The following BORCS5 variants were observed in gnomAD, a reference collection of about 807,000 sequenced individuals.
BORCS5 encodes the protein BLOC-1-related complex subunit 5.
A neutral mutation model predicts 22.1 loss-of-function variants in BORCS5; 17 were observed. That is an observed-to-expected ratio of 0.77 (90% CI 0.53 to 1.15). The LOEUF is 1.15. Among genes scored for constraint, BORCS5 ranks in the 50% most tolerant of loss-of-function variants. BORCS5 has a pLI of 0.00. For synonymous variants in BORCS5, 117 were observed against 99.8 expected (o/e 1.17, Z -1.03); for missense variants, 247 against 253.2 (o/e 0.98, Z 0.17).
At chr12:12,388,483 A>G (rs913611014) in intron 2 of BORCS5, among the ~76,000 whole-genome samples, 15 of 151,536 alleles carry the variant, frequency 9.9e-5, no homozygotes, top group African/African-American at 3.4e-4. Context: ...ATCTGTAAAT[A>G]AGGAAGATAA....
intron 2 of BORCS5, among the ~76,000 whole-genome samples, chr12:12,382,694 G>A (rs540729266): frequency 6.6e-6 from 1 of 150,974 alleles, no homozygotes; most frequent in South Asian, 2.1e-4. Flanking sequence ...CAGCATGCCT[G>A]TCTAATTTTT....
At chr12:12,414,928 T>G (rs1214817021) in intron 2 of BORCS5, among the ~76,000 whole-genome samples, 3 of 120,418 alleles carry the variant, frequency 2.5e-5, no homozygotes, top group African/African-American at 6.7e-5. Context: ...GGGGCAGAGG[T>G]GCTCCCCACA....
intron 2 of BORCS5, among the ~76,000 whole-genome samples, chr12:12,414,086 G>A (rs539775942): frequency 2.4e-5 from 2 of 83,998 alleles, no homozygotes; most frequent in East Asian, 2.8e-4. Context: ...CCTCCCGGAC[G>A]GGGCGGCTGG....
intron 3 of BORCS5, among the ~76,000 whole-genome samples, chr12:12,448,150 G>T (rs774095908): frequency 1.3e-5 from 2 of 152,166 alleles, no homozygotes; most frequent in Non-Finnish European, 2.9e-5. Flanking sequence ...GTCCACCTTC[G>T]AAACTCTAAA....
chr12:12,463,567 CAA>C (rs2136163712), intron 3 of BORCS5, among the ~76,000 whole-genome samples: 1 of 152,290 alleles, frequency 6.6e-6, no homozygotes, highest in South Asian at 2.1e-4. Context: ...CACGCAAACT[CAA>C]GTTTCCTCTT....
At chr12:12,430,150 A>ATTTTTTTTTTT (rs1565905968) in intron 2 of BORCS5, among the ~76,000 whole-genome samples, 16 of 74,400 alleles carry the variant, frequency 2.2e-4, no homozygotes, top group African/African-American at 1.0e-3. Flanking sequence ...CCTTAGAGAA[A>ATTTTTTTTTTT]ATTTTTTTTT....
At chr12:12,363,179 C>T (rs1863329847) in intron 2 of BORCS5, among the ~76,000 whole-genome samples, 1 of 151,826 alleles carries the variant, frequency 6.6e-6, no homozygotes, top group Non-Finnish European at 1.5e-5. Context: ...TACCTGTCGT[C>T]CCAGCTAGTT....
chr12:12,406,657 G>A (rs950209207), intron 2 of BORCS5, among the ~76,000 whole-genome samples: 4 of 150,872 alleles, frequency 2.7e-5, no homozygotes, highest in South Asian at 2.1e-4. Context: ...AAAAAAAAAC[G>A]TGTCAGGTCC....
At chr12:12,448,317 C>T (rs973849546) in intron 3 of BORCS5, among the ~76,000 whole-genome samples, 11 of 151,982 alleles carry the variant, frequency 7.2e-5, no homozygotes, top group Admixed American at 1.3e-4. Flanking sequence ...CCGGGTTCAA[C>T]GGATTCTCCT....
intron 2 of BORCS5, among the ~76,000 whole-genome samples, chr12:12,409,024 C>T (rs1457876332): frequency 6.6e-6 from 1 of 152,062 alleles, no homozygotes; most frequent in African/African-American, 2.4e-5. Flanking sequence ...ACCCCTTTCG[C>T]CAGCGGCTAT....
chr12:12,401,368 G>A (rs1290142181), intron 2 of BORCS5, among the ~76,000 whole-genome samples: 1 of 152,106 alleles, frequency 6.6e-6, no homozygotes. Flanking sequence ...AGACAACATC[G>A]TGCTTAGCAA....
chr12:12,376,386 A>G (rs1175565316), intron 2 of BORCS5, among the ~76,000 whole-genome samples: 1 of 151,838 alleles, frequency 6.6e-6, no homozygotes, highest in African/African-American at 2.4e-5. Flanking sequence ...GGCGCCCGCC[A>G]CCACGCCCGG....
chr12:12,383,011 T>G (rs949124927), intron 2 of BORCS5, among the ~76,000 whole-genome samples: 4 of 151,484 alleles, frequency 2.6e-5, no homozygotes, highest in Non-Finnish European at 5.9e-5. Context: ...TCTGGTTAGA[T>G]TTGCCTTTTT....
chr12:12,370,453 A>C (rs980518594), intron 2 of BORCS5, among the ~76,000 whole-genome samples: 2 of 152,024 alleles, frequency 1.3e-5, no homozygotes, highest in South Asian at 2.1e-4. Flanking sequence ...TTTTTAATCT[A>C]CCTTTATTTC....
intron 2 of BORCS5, among the ~76,000 whole-genome samples, chr12:12,418,146 C>G (rs1035959596): frequency 4.0e-5 from 6 of 151,610 alleles, no homozygotes; most frequent in African/African-American, 1.5e-4. Flanking sequence ...GCCTCAGCTT[C>G]CTGAGTAGCT....
chr12:12,393,350 G>A (rs972125871), intron 2 of BORCS5, among the ~76,000 whole-genome samples: 3 of 152,062 alleles, frequency 2.0e-5, no homozygotes, highest in Admixed American at 6.6e-5. Context: ...TCTCGCAGGT[G>A]TACAGTAACC....
chr12:12,403,042 C>T (rs904937044), intron 2 of BORCS5, among the ~76,000 whole-genome samples: 1 of 150,640 alleles, frequency 6.6e-6, no homozygotes, highest in Admixed American at 6.6e-5. Context: ...CCCACTTTTT[C>T]GTTAATAATA....
intron 2 of BORCS5, among the ~76,000 whole-genome samples, chr12:12,367,272 TAA>T (rs1863425575): frequency 1.3e-5 from 2 of 152,324 alleles, no homozygotes; most frequent in Admixed American, 1.3e-4. Context: ...TCTGGACAAA[TAA>T]AAGTCTTTGC....
chr12:12,464,290 G>C (rs1943161234), intron 3 of BORCS5, among the ~76,000 whole-genome samples: 1 of 152,010 alleles, frequency 6.6e-6, no homozygotes, highest in South Asian at 2.1e-4. Flanking sequence ...GCCCGCCAGA[G>C]GACAGCAACA....
Sources: gnomAD v4.1 joint callset for allele counts (sites outside exome capture counted in the v4.1 genomes callset) on GRCh38, gnomAD v4.1.1 for gene constraint, MANE v1.5 for transcripts, NCBI Gene and HGNC (gene_info 2026-07-23, HGNC 2026-07-21) for gene names.